Variants in BACE1 observed in about 807,000 individuals in gnomAD.
BACE1 encodes the protein APP beta-secretase.
Under a neutral mutation model 54.0 loss-of-function variants are expected in BACE1, and 21 were observed. The ratio of observed to expected loss-of-function variants is 0.39; its 90% confidence interval spans 0.28 to 0.56. BACE1 has a LOEUF of 0.56. Ranked by LOEUF, BACE1 falls within the 20% of genes least tolerant of loss-of-function variation. BACE1 has a pLI of 0.63. For missense variants in BACE1, 511 were observed against 661.2 expected, an observed-to-expected ratio of 0.77 and a Z score of 2.49; for synonymous variants, 232 against 260.9, an observed-to-expected ratio of 0.89 and a Z score of 1.07.
At chr11:117,292,758 C>A in intron 5 of BACE1, 1 of 253,936 alleles carries the variant, frequency 3.9e-6, no homozygotes. Flanking sequence ...CAAGACTCTT[C>A]ATTCTATCAC....
At chr11:117,312,387 G>A (rs775405459) in intron 1 of BACE1, among the ~76,000 whole-genome samples, 15 of 152,126 alleles carry the variant, frequency 9.9e-5, no homozygotes, top group African/African-American at 1.9e-4. Flanking sequence ...TCCCTGGTGC[G>A]GCTTTCCTGG....
chr11:117,315,903 T>TGGGGGCATCAGGACGC lies in BACE1; in HGVS notation c.-124_-109dup. On this transcript the variant is annotated 5_prime_UTR_variant, in exon 1 of 9. In the 5' UTR this introduces an upstream ATG that the reference lacks. Coordinates refer to ENST00000313005, the MANE Select transcript of BACE1 (RefSeq NM_012104.6). The surrounding 1 kb of genome is among the most constrained non-coding windows in gnomAD (Gnocchi z 5.5). ...TGGTGGCTTCTCAGGAGAGGGAGCT[T>TGGGGGCATCAGGACGC]GGGGGCATCAGGACGCCAGGGCCTG... The TGGGGGCATCAGGACGC allele has an allele frequency of 2.3e-6, 3 of 1,281,396 alleles. No homozygotes were observed. The highest frequency in any genetic ancestry group is 3.0e-6 in the Non-Finnish European group (3 of 994,850). The allele number at this position is 1,281,396 out of a possible 1,614,324, so 79.4% of individuals were successfully genotyped here.
chr11:117,293,297 C>T lies in BACE1; in HGVS notation c.706-109G>A, dbSNP rs897250068. On this transcript the variant is annotated intron_variant, in intron 4 of 8. Transcript: ENST00000313005. This position sits in a 1 kb window ranked among gnomAD's most constrained non-coding sequence, Gnocchi z 4.1. ...TTTCTTGGGGTGGCAAGGTCTTCTA[C>T]AGGCTACCCTTTTCATCTTCCTGCT... 3.5e-6 allele frequency: 4 copies of T among 1,155,528 alleles called. No individual in the cohort carries two copies. Among genetic ancestry groups the T allele is most frequent in the Admixed American group, 2.6e-5 (1 of 38,468 alleles). 71.6% of individuals were successfully genotyped at this position (1,155,528 alleles called of 1,614,324 possible). A position where few individuals can be genotyped will look rare whatever the true frequency, so the allele number is the denominator to read the frequency against.
At chr11:117,295,003 C>T in intron 3 of BACE1, 128 bp downstream of exon 3, 1 of 962,014 alleles carries the variant, frequency 1.0e-6, no homozygotes, top group Non-Finnish European at 1.6e-6. Context: ...CCACCCTATA[C>T]CCCTGTTAAA....
rs746605056 is a variant in BACE1, at chr11:117,293,123, C to G, written c.771G>C (p.Glu257Asp). ...GSLWYTPIRREWYYEVIIVRV... is the reference protein window; with the variant it reads ...GSLWYTPIRRDWYYEVIIVRV... ...GCACAATGATCACCTCATAATACCACTCCCGCCGGATGGGTGTATACCAGA... is the reference window on the plus strand; with the variant it reads ...GCACAATGATCACCTCATAATACCAGTCCCGCCGGATGGGTGTATACCAGA... The change falls in exon 5 of 9, where the codon GAG (glutamate) becomes GAC (aspartate). Residue 257 changes from glutamate (E) to aspartate (D), a missense_variant. Glu to Asp is a conservative substitution (Grantham distance 45). Transcript: ENST00000313005. This position sits in a 1 kb window ranked among gnomAD's most constrained non-coding sequence, Gnocchi z 4.1. 2 of 1,614,120 alleles carry G rather than the reference C, an allele frequency of 1.2e-6. No homozygotes were observed. The highest frequency in any genetic ancestry group is 2.2e-5 in the South Asian group (2 of 91,076).
chr11:117,313,031 C>A (rs1426969014), intron 1 of BACE1, among the ~76,000 whole-genome samples: 5 of 152,206 alleles, frequency 3.3e-5, no homozygotes, highest in Non-Finnish European at 7.3e-5. Flanking sequence ...AATTGCCTAG[C>A]ACAGAGAAAG....
intron 1 of BACE1, among the ~76,000 whole-genome samples, chr11:117,303,624 T>G (rs2034771198): frequency 6.6e-6 from 1 of 152,214 alleles, no homozygotes; most frequent in South Asian, 2.1e-4. Flanking sequence ...CCTGGAGAGA[T>G]GGAGACTCTT....
At chr11:117,300,741 CT>C (rs138991940) in intron 1 of BACE1, among the ~76,000 whole-genome samples, 23,143 of 152,106 alleles carry the variant, frequency 0.15, 1,872 homozygotes, top group African/African-American at 0.21. Context: ...TCCCTCCTCC[CT>C]TCCCAGGCAC....
Position 117,288,703 on chromosome 11 carries a change from T to C in BACE1, c.*863A>G, listed in dbSNP as rs2034329322. 1 of 152,526 alleles carries C rather than the reference T, an allele frequency of 6.6e-6. No homozygotes were observed. Among genetic ancestry groups the C allele is most frequent in the Admixed American group, 6.5e-5 (1 of 15,276 alleles). 9.4% of individuals were successfully genotyped at this position (152,526 alleles called of 1,614,324 possible). On this transcript the variant is annotated 3_prime_UTR_variant, in exon 9 of 9. Coordinates refer to ENST00000313005, the MANE Select transcript of BACE1 (RefSeq NM_012104.6). Reference sequence around the variant, plus strand: ...GTTCAGATAGAGACAATGAAATTAATATGGCAGAAATTCATGTGTTAAGTG... The same window carrying C: ...GTTCAGATAGAGACAATGAAATTAACATGGCAGAAATTCATGTGTTAAGTG...
In BACE1 at chr11:117,315,521, C is replaced by T; in HGVS notation, c.261+14G>A. Reference sequence around the variant, plus strand: ...ATGCAGGCGGAGGGCTAAGGGCTGGCCTGACCACCTTACCGTCTGCGGGGG... The same window carrying T: ...ATGCAGGCGGAGGGCTAAGGGCTGGTCTGACCACCTTACCGTCTGCGGGGG... On this transcript the variant is annotated intron_variant, in intron 1 of 8. Coordinates refer to ENST00000313005, the MANE Select transcript of BACE1 (RefSeq NM_012104.6). The surrounding 1 kb of genome is among the most constrained non-coding windows in gnomAD (Gnocchi z 5.5). The T allele has an allele frequency of 6.3e-7, 1 of 1,577,814 alleles. No homozygotes were observed. The highest frequency in any genetic ancestry group is 8.6e-7 in the Non-Finnish European group (1 of 1,164,862).
chr11:117,300,126 C>T (rs1481253209), intron 1 of BACE1, among the ~76,000 whole-genome samples: 2 of 152,082 alleles, frequency 1.3e-5, no homozygotes, highest in African/African-American at 2.4e-5. Context: ...GCTGTCCTTC[C>T]AGCCCCAGCC....
intron 6 of BACE1, among the ~76,000 whole-genome samples, chr11:117,291,338 G>T (rs201606141): frequency 9.9e-5 from 15 of 151,420 alleles, no homozygotes; most frequent in African/African-American, 3.6e-4. Context: ...GTGCAGTGGC[G>T]CAATCATGGC....
At chr11:117,299,079 G>A (rs1335080098) in intron 1 of BACE1, among the ~76,000 whole-genome samples, 4 of 152,048 alleles carry the variant, frequency 2.6e-5, no homozygotes, top group African/African-American at 7.2e-5. Context: ...GTGCTGAGGC[G>A]TGAGCTACCA....
intron 1 of BACE1, among the ~76,000 whole-genome samples, chr11:117,305,457 A>T (rs549334353): frequency 6.6e-6 from 1 of 151,906 alleles, no homozygotes; most frequent in Non-Finnish European, 1.5e-5. Flanking sequence ...TCTGCCTTCC[A>T]CTTGCCTCTC....
chr11:117,290,855 T>C lies in BACE1; in HGVS notation c.1092+45A>G, dbSNP rs185027294. 4 of 1,600,580 alleles carry C rather than the reference T, an allele frequency of 2.5e-6. No homozygotes were observed. The East Asian group carries it at 6.7e-5, about 27-fold the overall frequency. ...GCCATACCTGCTCACTGTCTCCCAG[T>C]GTGTACTTTTAAGAGAGATCCCCCT... On this transcript the variant is annotated intron_variant, in intron 7 of 8. Transcript: ENST00000313005.
intron 1 of BACE1, among the ~76,000 whole-genome samples, chr11:117,304,931 T>G (rs1397163007): frequency 6.6e-6 from 1 of 151,858 alleles, no homozygotes; most frequent in East Asian, 1.9e-4. Context: ...TTCCCTGCAG[T>G]TAATTCCTAT....
rs970085592 is a variant in BACE1 at position 117,315,812 on chromosome 11, C to CG, written c.-18dup. On this transcript the variant is annotated 5_prime_UTR_variant, in exon 1 of 9. Coordinates refer to ENST00000313005, the MANE Select transcript of BACE1 (RefSeq NM_012104.6). This position sits in a 1 kb window ranked among gnomAD's most constrained non-coding sequence, Gnocchi z 5.5. ...TTGGGCCATGGTGGGCCCCGGCCTT[C>CG]GGGCCCTCTGGGCTCGCACTGGCCC... 1.1e-4 allele frequency: 160 copies of CG among 1,394,590 alleles called. No individual in the cohort carries two copies. The highest frequency in any genetic ancestry group is 1.4e-4 in the Non-Finnish European group (154 of 1,083,742). 86.4% of individuals were successfully genotyped at this position (1,394,590 alleles called of 1,614,324 possible). A position where few individuals can be genotyped will look rare whatever the true frequency, so the allele number is the denominator to read the frequency against.
Position 117,315,705 on chromosome 11 carries a change from G to C in BACE1, c.91C>G (p.Arg31Gly), listed in dbSNP as rs1453895083. ...GTQHGIRLPL[R>G]SGLGGAPLGL... ...AGGGGGGCGCCCCCCAGGCCGCTGC[G>C]CAGGGGCAGCCGGATGCCGTGCTGG... Residue 31 changes from arginine (R) to glycine (G), a missense_variant, in exon 1 of 9, where the codon CGC becomes GGC. Around this residue, in one of 2 missense-constraint regions of BACE1, gnomAD observed 104 missense variants for 95.5 expected, o/e 1.09. Coordinates refer to ENST00000313005, the MANE Select transcript of BACE1 (RefSeq NM_012104.6). The surrounding 1 kb of genome is among the most constrained non-coding windows in gnomAD (Gnocchi z 5.5). 1 of 1,501,410 alleles carries C rather than the reference G, an allele frequency of 6.7e-7. No individual in the cohort carries two copies. The highest frequency in any genetic ancestry group is 2.7e-5 in the East Asian group (1 of 36,364). The allele number at this position is 1,501,410 out of a possible 1,614,324, so 93.0% of individuals were successfully genotyped here. A position where few individuals can be genotyped will look rare whatever the true frequency, so the allele number is the denominator to read the frequency against.
chr11:117,305,753 C>T (rs544601402), intron 1 of BACE1, among the ~76,000 whole-genome samples: 102 of 152,072 alleles, frequency 6.7e-4, no homozygotes, highest in African/African-American at 2.4e-3. Context: ...GCAGCAGAAT[C>T]AGCCGCGCGC....
Sources: allele counts gnomAD v4.1 joint callset (sites outside exome capture counted in the v4.1 genomes callset), GRCh38; gene constraint gnomAD v4.1.1; regional missense constraint gnomAD v4.1.1; non-coding constraint Gnocchi (gnomAD v3.1); transcripts MANE v1.5; gene names NCBI Gene and HGNC (gene_info 2026-07-23, HGNC 2026-07-21).